CLMN: variants seen among roughly 807,000 people sequenced by gnomAD.
CLMN encodes the protein calmin (calponin-like, transmembrane).
CLMN carries 57 observed loss-of-function variants against 92.7 expected under a neutral mutation model. The observed-to-expected ratio is 0.61, with a 90% CI of 0.50 to 0.77. CLMN has a LOEUF of 0.77. Ranked by LOEUF, CLMN falls within the 30% of genes least tolerant of loss-of-function variation. CLMN has a pLI of 0.00. For missense variants in CLMN, 1,158 were observed against 1,237.5 expected (o/e 0.94, Z 0.96); for synonymous variants, 466 against 470.6 (o/e 0.99, Z 0.13).
At chr14:95,304,658 A>AGTACAATTGTACTGATTGTACAGATTGTT (rs1244994950) in intron 1 of CLMN, among the ~76,000 whole-genome samples, 142 of 152,244 alleles carry the variant, frequency 9.3e-4, no homozygotes, top group East Asian at 1.4e-3. Context: ...CAATCTATAT[A>AGTACAATTGTACTGATTGTACAGATTGTT]GTACAATTGT....
intron 4 of CLMN, among the ~76,000 whole-genome samples, chr14:95,217,810 T>C (rs1221754179): frequency 6.6e-6 from 1 of 152,122 alleles, no homozygotes. Flanking sequence ...AGCTGCCTTG[T>C]AGGGGTGCCG....
At chr14:95,235,441 T>A (rs924849386) in intron 1 of CLMN, among the ~76,000 whole-genome samples, 3 of 152,176 alleles carry the variant, frequency 2.0e-5, no homozygotes, top group African/African-American at 7.2e-5. Context: ...AATGAGCACC[T>A]CAGCCTGGCA....
chr14:95,290,218 G>A (rs148948329), intron 1 of CLMN, among the ~76,000 whole-genome samples: 44 of 152,298 alleles, frequency 2.9e-4, no homozygotes, highest in Non-Finnish European at 1.5e-4. Flanking sequence ...GATGCCCTGG[G>A]TCCGCCCCGC....
intron 1 of CLMN, among the ~76,000 whole-genome samples, chr14:95,316,555 T>G (rs746302975): frequency 3.3e-5 from 5 of 152,322 alleles, no homozygotes; most frequent in Non-Finnish European, 7.4e-5. Context: ...ATTCCAATGT[T>G]TTTTGGGGGA....
chr14:95,215,513 A>G, intron 5 of CLMN, 128 bp downstream of exon 5: 1 of 732,846 alleles, frequency 1.4e-6, no homozygotes, highest in Non-Finnish European at 2.3e-6. Context: ...TTTTTCAGTG[A>G]GTAGAAAAGA....
At chr14:95,287,733 G>A (rs1595097381) in intron 1 of CLMN, among the ~76,000 whole-genome samples, 1 of 152,208 alleles carries the variant, frequency 6.6e-6, no homozygotes, top group South Asian at 2.1e-4. Context: ...ACACTGGCTT[G>A]CAGGGAGGAG....
intron 1 of CLMN, among the ~76,000 whole-genome samples, chr14:95,239,799 C>T (rs552189637): frequency 4.6e-5 from 7 of 152,294 alleles, no homozygotes; most frequent in East Asian, 1.9e-4. Context: ...TAAAATGAAT[C>T]GCAACGTTCT....
chr14:95,302,823 G>A (rs1901115716), intron 1 of CLMN, among the ~76,000 whole-genome samples: 1 of 152,218 alleles, frequency 6.6e-6, no homozygotes, highest in East Asian at 1.9e-4. Flanking sequence ...AAGTGAAGAA[G>A]CTAAAATTCA....
intron 9 of CLMN, among the ~76,000 whole-genome samples, chr14:95,199,927 AAG>A (rs1203155030): frequency 1.3e-5 from 2 of 152,040 alleles, no homozygotes; most frequent in Non-Finnish European, 2.9e-5. Context: ...TTAGAGCGGG[AAG>A]AGTCTTGGAG....
chr14:95,289,321 T>C (rs1490865861), intron 1 of CLMN, among the ~76,000 whole-genome samples: 1 of 151,992 alleles, frequency 6.6e-6, no homozygotes, highest in Non-Finnish European at 1.5e-5. Context: ...TGAAACTCCA[T>C]CTCTGCTAAA....
chr14:95,247,666 GTGGTAAGAGCAC>G (rs1849400313), intron 1 of CLMN, among the ~76,000 whole-genome samples: 1 of 152,128 alleles, frequency 6.6e-6, no homozygotes, highest in Non-Finnish European at 1.5e-5. Flanking sequence ...ACTGATCCAC[GTGGTAAGAGCAC>G]TGGGACCCTG....
intron 1 of CLMN, among the ~76,000 whole-genome samples, chr14:95,306,943 T>C (rs1901310939): frequency 6.6e-6 from 1 of 152,222 alleles, no homozygotes; most frequent in Non-Finnish European, 1.5e-5. Flanking sequence ...ATGCATGTTA[T>C]TTAGAGACAT....
In CLMN at chr14:95,213,384, C is replaced by T. The variant is rs762219190; in HGVS notation, c.443G>A (p.Ser148Asn). 4.3e-6 allele frequency: 7 copies of T among 1,609,800 alleles called. No homozygotes were observed. The South Asian group carries it at 5.5e-5, about 13-fold the overall frequency. ...FQIKELTGNL[S>N]RNSPSSSLSP... ...CAAGCTGGAAGATGGAGAGTTTCTG[C>T]TGAGGTTGCCTGTGAGCTCCTTAAT... Residue 148 changes from serine (S) to asparagine (N), a missense_variant, in exon 6 of 13, where the codon AGC (serine) becomes AAC (asparagine). Coordinates refer to ENST00000298912, the MANE Select transcript of CLMN (RefSeq NM_024734.4).
At chr14:95,290,079 C>A (rs1900504714) in intron 1 of CLMN, among the ~76,000 whole-genome samples, 1 of 152,216 alleles carries the variant, frequency 6.6e-6, no homozygotes, top group Admixed American at 6.5e-5. Flanking sequence ...AAAAGAAAAG[C>A]TCCTTAATCC....
intron 1 of CLMN, among the ~76,000 whole-genome samples, chr14:95,314,934 A>T (rs914124457): frequency 6.6e-6 from 1 of 152,138 alleles, no homozygotes; most frequent in African/African-American, 2.4e-5. Flanking sequence ...TTGGGTTTTT[A>T]TATAGAAACC....
chr14:95,261,192 CAAAAA>C (rs34154169), intron 1 of CLMN, among the ~76,000 whole-genome samples: 1 of 127,898 alleles, frequency 7.8e-6, no homozygotes. Flanking sequence ...CACACAAATG[CAAAAA>C]AAAAAAAAAA....
chr14:95,276,272 AT>A (rs1566909195), intron 1 of CLMN, among the ~76,000 whole-genome samples: 1 of 152,226 alleles, frequency 6.6e-6, no homozygotes. Flanking sequence ...TCCTAAGACC[AT>A]AGGGGATGAG....
At position 95,230,258 on chromosome 14, in the gene CLMN, C is replaced by A. The variant is rs1003994350; in HGVS notation, c.83-125G>T. 23 of 855,346 alleles carry A rather than the reference C, an allele frequency of 2.7e-5. 1 individual carries two copies. In the East Asian group the frequency reaches 5.8e-4, roughly 21 times the overall value. The allele number at this position is 855,346 out of a possible 1,614,324, so 53.0% of individuals were successfully genotyped here. On this transcript the variant is annotated intron_variant, in intron 1 of 12. Transcript: ENST00000298912. ...AACCCCAGGGTGTCCCATGTAAGAA[C>A]AGAGGCCTTTCTGGAAGGGGTTGGC...
At chr14:95,276,237 G>A (rs974603639) in intron 1 of CLMN, among the ~76,000 whole-genome samples, 3 of 152,200 alleles carry the variant, frequency 2.0e-5, no homozygotes, top group African/African-American at 7.2e-5. Context: ...TTTATCCTGA[G>A]GAAAGGATGG....
Sources: gnomAD v4.1 joint callset for allele counts (sites outside exome capture counted in the v4.1 genomes callset) on GRCh38, gnomAD v4.1.1 for gene constraint, MANE v1.5 for transcripts, NCBI Gene and HGNC (gene_info 2026-07-23, HGNC 2026-07-21) for gene names.